Variants in DUSP22 observed in about 807,000 individuals in gnomAD.
The protein encoded by DUSP22 is dual specificity protein phosphatase 22.
A neutral mutation model predicts 24.5 loss-of-function variants in DUSP22; 24 were observed. The observed-to-expected ratio is 0.98, with a 90% CI of 0.71 to 1.38. DUSP22 has a LOEUF of 1.38. DUSP22 is among the 40% of genes most tolerant of loss of function. The pLI is 0.00. For missense variants in DUSP22, 330 were observed against 269.2 expected (o/e 1.23, Z -1.58); for synonymous variants, 160 against 106.4 (o/e 1.50, Z -3.10).
chr6:301,435 C>A (rs1157309313), intron 1 of DUSP22, among the ~76,000 whole-genome samples: 1 of 152,302 alleles, frequency 6.6e-6, no homozygotes, highest in Admixed American at 6.5e-5. Flanking sequence ...TTGGAGCCAA[C>A]CTGCGGAAGC....
intron 4 of DUSP22, among the ~76,000 whole-genome samples, chr6:345,320 C>T (rs1759809878): frequency 6.6e-6 from 1 of 152,224 alleles, no homozygotes; most frequent in Admixed American, 6.5e-5. Context: ...AGAAATTCTC[C>T]TACCTCAGCC....
intron 3 of DUSP22, among the ~76,000 whole-genome samples, chr6:324,387 C>G (rs893051534): frequency 9.2e-5 from 14 of 152,304 alleles, no homozygotes; most frequent in South Asian, 4.1e-4. Flanking sequence ...CTCTCCCACC[C>G]ACACCTGCTG....
intron 4 of DUSP22, among the ~76,000 whole-genome samples, chr6:335,842 A>AGTGGAATGAATAGGTCGTT (rs1759338120): frequency 2.6e-5 from 4 of 152,300 alleles, no homozygotes; most frequent in African/African-American, 9.6e-5. Context: ...AGCCTGGCGG[A>AGTGGAATGAATAGGTCGTT]GTGGAATGAA....
chr6:297,178 G>T (rs1431314568), intron 1 of DUSP22, among the ~76,000 whole-genome samples: 1 of 152,300 alleles, frequency 6.6e-6, no homozygotes, highest in Admixed American at 6.5e-5. Flanking sequence ...TTCCTTCCTG[G>T]ATTCATAGAT....
intron 5 of DUSP22, among the ~76,000 whole-genome samples, chr6:347,157 C>G (rs1171556736): frequency 6.6e-6 from 1 of 152,302 alleles, no homozygotes; most frequent in Non-Finnish European, 1.5e-5. Context: ...CTCCTGGCTC[C>G]TAGTGAAGGT....
rs558749551 is a variant in DUSP22 at position 331,216 on chromosome 6, C to T, written c.139-3898C>T. Among the ~76,000 whole-genome samples, 6 of 152,416 alleles carry T rather than the reference C, an allele frequency of 3.9e-5. No individual in the cohort carries two copies. The East Asian group carries it at 9.6e-4, about 24-fold the overall frequency. ...GATGTTAATTGGCTTTCCACCAATC[C>T]ACTGTTTTGGAACATCGTGGAAAGT... On this transcript the variant is annotated intron_variant, in intron 3 of 6. Coordinates refer to ENST00000419235, the MANE Select transcript of DUSP22 (RefSeq NM_001286555.3).
In DUSP22 at chr6:330,932, T is replaced by C. The variant is rs544363700; in HGVS notation, c.139-4182T>C. 1.4e-3 allele frequency among the ~76,000 whole-genome samples: 219 copies of C among 152,370 alleles called. No individual in the cohort carries two copies. In the South Asian group the frequency reaches 0.016, roughly 11 times the overall value. ...TACATGCTGCTTGGCGTTAGTAATA[T>C]ACGGTGTACACCTGGTCCCCTCAAC... On this transcript the variant is annotated intron_variant, in intron 3 of 6. Transcript: ENST00000419235.
intron 3 of DUSP22, among the ~76,000 whole-genome samples, chr6:321,213 G>T (rs1184898275): frequency 6.6e-6 from 1 of 152,308 alleles, no homozygotes; most frequent in Non-Finnish European, 1.5e-5. Flanking sequence ...AAGGGATGGG[G>T]CATGCAAGGG....
chr6:350,145 T>C lies in DUSP22; in HGVS notation c.*1194T>C. 4 of 986,196 alleles carry C rather than the reference T, an allele frequency of 4.1e-6. No individual in the cohort carries two copies. The highest frequency in any genetic ancestry group is 3.6e-6 in the Non-Finnish European group (3 of 830,476). The allele number at this position is 986,196 out of a possible 1,614,324, so 61.1% of individuals were successfully genotyped here. A position where few individuals can be genotyped will look rare whatever the true frequency, so the allele number is the denominator to read the frequency against. Reference sequence around the variant, plus strand: ...TTTTGGTATGCAAGTCAGCTTTGCCTCACAGTTGAAAATGTTCGGTCATGA... The same window carrying C: ...TTTTGGTATGCAAGTCAGCTTTGCCCCACAGTTGAAAATGTTCGGTCATGA... On this transcript the variant is annotated 3_prime_UTR_variant, in exon 7 of 7. Transcript: ENST00000419235.
chr6:312,142 A>G (rs1758139514), intron 3 of DUSP22, among the ~76,000 whole-genome samples, 180 bp downstream of exon 3: 1 of 152,300 alleles, frequency 6.6e-6, no homozygotes, highest in Admixed American at 6.5e-5. Flanking sequence ...GCGTGGCGCG[A>G]GGGTGTGTGC....
intron 1 of DUSP22, among the ~76,000 whole-genome samples, chr6:299,561 A>G (rs924377974): frequency 6.6e-6 from 1 of 152,304 alleles, no homozygotes; most frequent in African/African-American, 2.4e-5. Flanking sequence ...ACAGAGAGGG[A>G]TTGAGCAACC....
At chr6:319,412 C>A (rs925482200) in intron 3 of DUSP22, among the ~76,000 whole-genome samples, 2 of 152,312 alleles carry the variant, frequency 1.3e-5, no homozygotes, top group East Asian at 1.9e-4. Context: ...CAAAGTATGT[C>A]ATCCACTTTA....
Position 292,490 on chromosome 6 carries a change from G to A in DUSP22, c.-50G>A, listed in dbSNP as rs532521739. 3.4e-5 allele frequency: 55 copies of A among 1,598,086 alleles called. No individual in the cohort carries two copies. The South Asian group carries it at 5.7e-4, about 17-fold the overall frequency. On this transcript the variant is annotated 5_prime_UTR_variant, in exon 1 of 7. The change creates a new upstream start codon in the 5' untranslated region. Transcript: ENST00000419235. The stretch of plus-strand genomic sequence containing the variant: ...CTCCTCCTCCCTGTAACATGCCATA[G>A]TGCGCCTGCGACCACACGGCCGGGG...
At chr6:341,383 A>G (rs1272007573) in intron 4 of DUSP22, among the ~76,000 whole-genome samples, 2 of 152,310 alleles carry the variant, frequency 1.3e-5, no homozygotes, top group Non-Finnish European at 2.9e-5. Context: ...TGAGCAATAG[A>G]AGGACCAGGA....
chr6:310,064 G>A (rs994387577), intron 2 of DUSP22, among the ~76,000 whole-genome samples: 9 of 152,296 alleles, frequency 5.9e-5, no homozygotes, highest in Non-Finnish European at 1.3e-4. Context: ...GGGTTCAAGC[G>A]ATTCTCCTAC....
chr6:329,973 G>C (rs1759067016), intron 3 of DUSP22, among the ~76,000 whole-genome samples: 1 of 152,276 alleles, frequency 6.6e-6, no homozygotes, highest in African/African-American at 2.4e-5. Flanking sequence ...TCGCTCTTGA[G>C]AGTTCGCTGG....
intron 5 of DUSP22, among the ~76,000 whole-genome samples, chr6:347,508 C>G (rs1759939062): frequency 6.6e-6 from 1 of 152,294 alleles, no homozygotes; most frequent in South Asian, 2.1e-4. Flanking sequence ...GGTAACTGAC[C>G]CTAACCGTTA....
At chr6:313,995 T>C (rs1281203648) in intron 3 of DUSP22, among the ~76,000 whole-genome samples, 1 of 152,308 alleles carries the variant, frequency 6.6e-6, no homozygotes, top group Admixed American at 6.5e-5. Flanking sequence ...ATAAGCTGTG[T>C]CCTCACGCAG....
At chr6:295,743 C>T (rs1258843184) in intron 1 of DUSP22, among the ~76,000 whole-genome samples, 2 of 150,136 alleles carry the variant, frequency 1.3e-5, no homozygotes, top group African/African-American at 2.4e-5. Context: ...TAGGCTGGAG[C>T]GAGTCGTGAT....
Sources: gnomAD v4.1 joint callset for allele counts (sites outside exome capture counted in the v4.1 genomes callset) on GRCh38, gnomAD v4.1.1 for gene constraint, MANE v1.5 for transcripts, NCBI Gene and HGNC (gene_info 2026-07-23, HGNC 2026-07-21) for gene names.